Variants in MPP7 observed in about 807,000 individuals in gnomAD.
The protein encoded by MPP7 is MAGUK p55 scaffold protein 7.
MPP7 carries 60 observed loss-of-function variants against 76.5 expected under a neutral mutation model. The ratio of observed to expected loss-of-function variants is 0.78; its 90% CI spans 0.64 to 0.97. The LOEUF is 0.97. Ranked by LOEUF, MPP7 falls within the 50% of genes least tolerant of loss-of-function variation. The pLI, the probability that MPP7 is intolerant of heterozygous loss-of-function variation, is 0.00. For synonymous variants in MPP7, 237 were observed against 244.5 expected (o/e 0.97, Z 0.29); for missense variants, 641 against 694.0 (o/e 0.92, Z 0.86).
intron 12 of MPP7, among the ~76,000 whole-genome samples, chr10:28,083,294 G>T (rs1324795891): frequency 6.6e-6 from 1 of 152,114 alleles, no homozygotes; most frequent in Non-Finnish European, 1.5e-5. Flanking sequence ...ACTTCTGAAG[G>T]ACAGTTACAT....
intron 2 of MPP7, among the ~76,000 whole-genome samples, chr10:28,231,736 T>C (rs1838891883): frequency 6.6e-6 from 1 of 152,154 alleles, no homozygotes; most frequent in African/African-American, 2.4e-5. Context: ...ATGAATTAGT[T>C]ACCAAAAATC....
At chr10:28,107,238 C>T (rs1036611196) in intron 11 of MPP7, among the ~76,000 whole-genome samples, 1 of 152,140 alleles carries the variant, frequency 6.6e-6, no homozygotes, top group Non-Finnish European at 1.5e-5. Context: ...TTACAGCTAA[C>T]CCTTGGTGCC....
At chr10:28,279,289 T>C (rs1031444445) in intron 1 of MPP7, among the ~76,000 whole-genome samples, 4 of 151,964 alleles carry the variant, frequency 2.6e-5, no homozygotes, top group African/African-American at 9.7e-5. Context: ...AACCCTTAAT[T>C]CTCCCTGTTC....
At chr10:28,270,048 C>T (rs1228474483) in intron 1 of MPP7, among the ~76,000 whole-genome samples, 1 of 152,176 alleles carries the variant, frequency 6.6e-6, no homozygotes, top group African/African-American at 2.4e-5. Flanking sequence ...CTGGGTATCC[C>T]CAAACCACAG....
intron 11 of MPP7, among the ~76,000 whole-genome samples, chr10:28,109,130 A>G (rs1834417047): frequency 6.6e-6 from 1 of 152,166 alleles, no homozygotes; most frequent in Non-Finnish European, 1.5e-5. Context: ...TCTACTAAAA[A>G]TACAAAAATA....
chr10:28,066,003 T>A (rs1346334097), intron 13 of MPP7, among the ~76,000 whole-genome samples: 1 of 152,236 alleles, frequency 6.6e-6, no homozygotes, highest in Non-Finnish European at 1.5e-5. Context: ...GTTGTATTAA[T>A]AGTCATTCAG....
chr10:28,075,347 A>C (rs1371569240), intron 12 of MPP7, among the ~76,000 whole-genome samples: 1 of 151,824 alleles, frequency 6.6e-6, no homozygotes, highest in Non-Finnish European at 1.5e-5. Context: ...CCATACCCAC[A>C]CCTGAACCAC....
chr10:28,288,052 C>T lies in MPP7; in HGVS notation c.-132+14809G>A, dbSNP rs76464943. ...TTGGATTTTCTTCACATATTCCAAC[C>T]AAACAACAAATCACAACAGATTGAA... On this transcript the variant is annotated intron_variant, in intron 1 of 16. Coordinates refer to ENST00000683449, the MANE Select transcript of MPP7 (RefSeq NM_001318170.2). 4.7e-3 allele frequency among the ~76,000 whole-genome samples: 709 copies of T among 152,196 alleles called. 6 individuals are homozygous for T. The highest frequency in any genetic ancestry group is 0.015 in the African/African-American group (643 of 41,526).
intron 6 of MPP7, among the ~76,000 whole-genome samples, chr10:28,125,576 CA>C: frequency 6.6e-6 from 1 of 151,900 alleles, no homozygotes; most frequent in Non-Finnish European, 1.5e-5. Flanking sequence ...ATCCTTCTAT[CA>C]CCCTCAGTTA....
At chr10:28,136,588 TAA>T in intron 5 of MPP7, among the ~76,000 whole-genome samples, 1 of 151,940 alleles carries the variant, frequency 6.6e-6, no homozygotes. Context: ...ACAAGAAAAT[TAA>T]AAGTTATTAT....
intron 1 of MPP7, among the ~76,000 whole-genome samples, chr10:28,259,063 C>G (rs967556421): frequency 6.6e-6 from 1 of 152,136 alleles, no homozygotes; most frequent in Admixed American, 6.5e-5. Flanking sequence ...CAGCCCACCA[C>G]CATTCATCCT....
chr10:28,215,779 A>G (rs1417870649), intron 2 of MPP7, among the ~76,000 whole-genome samples: 4 of 152,192 alleles, frequency 2.6e-5, no homozygotes, highest in African/African-American at 7.2e-5. Context: ...CAGAATTGTT[A>G]TAAGGGTTAA....
chr10:28,211,177 C>T (rs536515721), intron 2 of MPP7, among the ~76,000 whole-genome samples: 76 of 152,178 alleles, frequency 5.0e-4, no homozygotes, highest in African/African-American at 1.7e-3. Context: ...CAGCTCACTG[C>T]AACCTTGAAC....
intron 1 of MPP7, among the ~76,000 whole-genome samples, chr10:28,259,782 C>CAG (rs1012739568): frequency 1.8e-4 from 28 of 151,904 alleles, no homozygotes; most frequent in African/African-American, 5.6e-4. Context: ...AGTTCTAGGC[C>CAG]AGAGCGTGGG....
Position 28,120,327 on chromosome 10 carries a change from CTTCCT to C in MPP7, c.749_753del (p.Lys250SerfsTer18). On this transcript the variant is annotated frameshift_variant, in exon 10 of 17. Transcript: ENST00000683449. LOFTEE classifies it high-confidence loss of function. ...TCTCCCTTTTTGAAAGAAAGCCCAG[CTTCCT>C]TACATGGAATTGCCTTATCCTCATT... is the stretch of plus-strand genomic sequence containing the variant. 1 of 1,614,022 alleles carries C rather than the reference CTTCCT, an allele frequency of 6.2e-7. No individual in the cohort carries two copies. Among genetic ancestry groups the C allele is most frequent in the Non-Finnish European group, 8.5e-7 (1 of 1,179,956 alleles).
At chr10:28,321,895 G>A (rs1834371719) in intron 2 of MPP7, among the ~76,000 whole-genome samples, 1 of 150,664 alleles carries the variant, frequency 6.6e-6, no homozygotes, top group Non-Finnish European at 1.5e-5. Context: ...AAAATTTTTA[G>A]AGAATTTATT....
intron 2 of MPP7, among the ~76,000 whole-genome samples, chr10:28,213,454 G>A (rs1047388350): frequency 1.3e-5 from 2 of 152,034 alleles, no homozygotes; most frequent in African/African-American, 4.8e-5. Flanking sequence ...TAGGAAACAG[G>A]GTTTCATGCT....
intron 12 of MPP7, among the ~76,000 whole-genome samples, chr10:28,089,139 C>T (rs1433096943): frequency 2.0e-5 from 3 of 152,174 alleles, no homozygotes; most frequent in Non-Finnish European, 2.9e-5. Flanking sequence ...TCTCAAACTC[C>T]TGACCTCAAG....
chr10:28,092,194 T>C (rs1038196502), intron 11 of MPP7, among the ~76,000 whole-genome samples: 2 of 152,246 alleles, frequency 1.3e-5, no homozygotes, highest in African/African-American at 4.8e-5. Context: ...GTTTATCTGA[T>C]AACATGTTTC....
Sources: gnomAD v4.1 joint callset for allele counts (sites outside exome capture counted in the v4.1 genomes callset) on GRCh38, gnomAD v4.1.1 for gene constraint, MANE v1.5 for transcripts, NCBI Gene and HGNC (gene_info 2026-07-23, HGNC 2026-07-21) for gene names.